Variants in CCDC102B observed in about 807,000 individuals in gnomAD.
CCDC102B encodes the protein coiled-coil domain containing 102B.
A neutral mutation model predicts 57.4 loss-of-function variants in CCDC102B; 75 were observed. The observed-to-expected ratio is 1.31, with a 90% CI of 1.08 to 1.58. The LOEUF (loss-of-function observed/expected upper bound fraction) is 1.58, where lower values mean the gene tolerates loss of function less well. Among genes scored for constraint, CCDC102B ranks in the 40% most tolerant of loss-of-function variants. CCDC102B has a pLI of 0.00. For synonymous variants in CCDC102B, 206 were observed against 201.9 expected (o/e 1.02, Z -0.17); for missense variants, 636 against 582.6 (o/e 1.09, Z -0.94).
rs2040665269 is a variant in CCDC102B at position 68,906,847 on chromosome 18, T to G, written c.1263+9419T>G. ...TGACGAATTCTATTTTTTTTTTTTT[T>G]TTGTCATTTATGCTTCTGGTTTCAT... On this transcript the variant is annotated intron_variant, in intron 6 of 7. Transcript: ENST00000360242. 2.2e-5 allele frequency among the ~76,000 whole-genome samples: 3 copies of G among 135,134 alleles called. No individual in the cohort carries two copies. In the Admixed American group the frequency reaches 2.2e-4, roughly 10 times the overall value. The allele number at this position is 135,134 out of a possible 152,430, so 88.7% of individuals were successfully genotyped here.
At chr18:68,944,832 A>G (rs2049486946) in intron 6 of CCDC102B, among the ~76,000 whole-genome samples, 1 of 152,064 alleles carries the variant, frequency 6.6e-6, no homozygotes, top group African/African-American at 2.4e-5. Context: ...TAAAGCCTGT[A>G]GTGCTAACTA....
intron 1 of CCDC102B, among the ~76,000 whole-genome samples, chr18:68,824,004 A>T (rs75248228): frequency 3.8e-5 from 5 of 133,068 alleles, no homozygotes; most frequent in African/African-American, 1.4e-4. Context: ...TTTGCCGGCT[A>T]TTTACTCTGT....
At chr18:68,866,235 A>G (rs2038971720) in intron 4 of CCDC102B, among the ~76,000 whole-genome samples, 1 of 152,220 alleles carries the variant, frequency 6.6e-6, no homozygotes, top group South Asian at 2.1e-4. Flanking sequence ...TTGAGGGGTT[A>G]TAGTAATAAT....
intron 6 of CCDC102B, among the ~76,000 whole-genome samples, chr18:68,926,534 A>G (rs1443447258): frequency 6.6e-6 from 1 of 151,926 alleles, no homozygotes; most frequent in Non-Finnish European, 1.5e-5. Flanking sequence ...ATTCTCTTTT[A>G]GAAACACCTG....
intron 6 of CCDC102B, among the ~76,000 whole-genome samples, chr18:68,939,203 T>G (rs1678213132): frequency 6.6e-6 from 1 of 151,804 alleles, no homozygotes; most frequent in Non-Finnish European, 1.5e-5. Context: ...CAACTGATAC[T>G]CTTAAGATTA....
intron 2 of CCDC102B, among the ~76,000 whole-genome samples, chr18:68,762,697 T>C (rs2034292467): frequency 1.3e-5 from 2 of 152,184 alleles, no homozygotes; most frequent in African/African-American, 4.8e-5. Flanking sequence ...AGAAACAACC[T>C]ACCTGTGATA....
intron 2 of CCDC102B, among the ~76,000 whole-genome samples, chr18:68,749,490 A>C (rs2145241470): frequency 6.6e-6 from 1 of 152,278 alleles, no homozygotes; most frequent in South Asian, 2.1e-4. Context: ...GAGGTCCTTC[A>C]CATCCCTTGT....
chr18:69,016,632 A>G (rs751423896), intron 7 of CCDC102B, among the ~76,000 whole-genome samples: 5 of 152,196 alleles, frequency 3.3e-5, no homozygotes, highest in Non-Finnish European at 7.3e-5. Context: ...ATTTTGCTTT[A>G]TGAATCACTA....
At chr18:69,047,257 A>G (rs1381812880) in intron 7 of CCDC102B, among the ~76,000 whole-genome samples, 2 of 152,134 alleles carry the variant, frequency 1.3e-5, no homozygotes, top group Admixed American at 1.3e-4. Context: ...AATAAATGTG[A>G]ATCATCACAT....
chr18:69,010,034 C>G (rs1477372687), intron 6 of CCDC102B, among the ~76,000 whole-genome samples: 1 of 143,656 alleles, frequency 7.0e-6, no homozygotes, highest in South Asian at 2.2e-4. Context: ...CGGGTTCACG[C>G]CATTTTCCTG....
At chr18:68,715,729 T>G (rs368782875) in intron 1 of CCDC102B, 6 of 152,330 alleles carry the variant, frequency 3.9e-5, no homozygotes, top group African/African-American at 1.4e-4. Flanking sequence ...TAGTATGAAA[T>G]ATTTATATTG....
chr18:68,790,054 G>C (rs972359059), intron 2 of CCDC102B, among the ~76,000 whole-genome samples: 8 of 147,752 alleles, frequency 5.4e-5, no homozygotes, highest in Non-Finnish European at 7.4e-5. Flanking sequence ...TAACAGACAG[G>C]ACCCTCAGCT....
chr18:69,010,846 T>G, intron 6 of CCDC102B, 88 bp from the exon 7 acceptor site: 1 of 927,186 alleles, frequency 1.1e-6, no homozygotes, highest in South Asian at 2.6e-5. Flanking sequence ...TCCTAAAATG[T>G]TTTTCTCTTT....
At chr18:68,797,552 C>G (rs1599475539), upstream of CCDC102B, among the ~76,000 whole-genome samples, 1 of 152,044 alleles carries the variant, frequency 6.6e-6, no homozygotes, top group African/African-American at 2.4e-5. Context: ...CTACAGCTCA[C>G]AATTCCTGCC....
intron 6 of CCDC102B, chr18:68,992,843 G>T: frequency 6.0e-6 from 1 of 165,430 alleles, no homozygotes; most frequent in Non-Finnish European, 1.4e-5. Context: ...CAGGTGTGTG[G>T]CTCATGGGTG....
intron 4 of CCDC102B, among the ~76,000 whole-genome samples, chr18:68,861,595 CTG>C (rs1471004741): frequency 2.0e-5 from 3 of 152,110 alleles, no homozygotes; most frequent in African/African-American, 7.2e-5. Context: ...ACCTAATGGA[CTG>C]TGAATTATGA....
chr18:68,944,283 TA>T (rs1325512073), intron 6 of CCDC102B, among the ~76,000 whole-genome samples: 12 of 151,334 alleles, frequency 7.9e-5, no homozygotes. Context: ...AGGGAAAATT[TA>T]AAGGTAGCCA....
At chr18:68,857,264 TAA>T (rs1491111686) in intron 4 of CCDC102B, among the ~76,000 whole-genome samples, 328 of 24,962 alleles carry the variant, frequency 0.013, 45 homozygotes, top group African/African-American at 0.022. Context: ...TTTAAATATA[TAA>T]ATATATATAT....
chr18:68,870,080 C>G (rs187692068), intron 4 of CCDC102B, among the ~76,000 whole-genome samples: 1 of 152,116 alleles, frequency 6.6e-6, no homozygotes, highest in Non-Finnish European at 1.5e-5. Context: ...TAATTCTCAG[C>G]AAACTAACAC....
Sources: allele counts gnomAD v4.1 joint callset (sites outside exome capture counted in the v4.1 genomes callset), GRCh38; gene constraint gnomAD v4.1.1; transcripts MANE v1.5; gene names NCBI Gene and HGNC (gene_info 2026-07-23, HGNC 2026-07-21).